The following FAH variants were observed in gnomAD, a reference collection of about 807,000 sequenced individuals.
The protein encoded by FAH is fumarylacetoacetate hydrolase, also known as fumarylacetoacetase.
Under a neutral mutation model 55.8 loss-of-function variants are expected in FAH, and 47 were observed. The ratio of observed to expected loss-of-function variants is 0.84; its 90% CI spans 0.67 to 1.07. The LOEUF (loss-of-function observed/expected upper bound fraction) is 1.07, where lower values mean the gene tolerates loss of function less well. FAH is among the 50% of genes least tolerant of loss of function. The pLI, the probability that FAH is intolerant of heterozygous loss-of-function variation, is 0.00. For missense variants in FAH, 495 were observed against 545.9 expected (o/e 0.91, Z 0.93); for synonymous variants, 199 against 207.7 (o/e 0.96, Z 0.36).
At chr15:80,177,398 A>G in intron 10 of FAH, 139 bp from the exon 11 acceptor site, 1 of 793,912 alleles carries the variant, frequency 1.3e-6, no homozygotes, top group African/African-American at 1.7e-5. Context: ...CTGATGTCCT[A>G]GGAGCTAATT....
chr15:80,154,774 C>T (rs1045753918), intron 1 of FAH, among the ~76,000 whole-genome samples: 4 of 152,186 alleles, frequency 2.6e-5, no homozygotes, highest in African/African-American at 7.2e-5. Context: ...TGCCTGGGCT[C>T]CGAGTTGGCA....
intron 1 of FAH, among the ~76,000 whole-genome samples, chr15:80,154,527 C>T (rs1381514974): frequency 6.6e-6 from 1 of 152,210 alleles, no homozygotes; most frequent in Non-Finnish European, 1.5e-5. Flanking sequence ...GAGAGTTGGC[C>T]CTTTGGCCTT....
At position 80,186,222 on chromosome 15, in the gene FAH, T is replaced by C; in HGVS notation, c.*13T>C. On this transcript the variant is annotated 3_prime_UTR_variant, in exon 14 of 14. Transcript: ENST00000561421. ...CCTGCCATCATGAGATTTTCTCTGC[T>C]CTTCTGGAAACAAAGGGCTCAAGCA... The C allele has an allele frequency of 6.2e-7, 1 of 1,610,938 alleles. No individual in the cohort carries two copies. Among genetic ancestry groups the C allele is most frequent in the Admixed American group, 1.7e-5 (1 of 59,986 alleles).
intron 7 of FAH, among the ~76,000 whole-genome samples, chr15:80,168,610 T>C (rs942308448): frequency 6.6e-6 from 1 of 152,258 alleles, no homozygotes; most frequent in African/African-American, 2.4e-5. Context: ...ACATTTGAGC[T>C]GCCTGGTGAG....
At chr15:80,154,868 G>A (rs771044463) in intron 1 of FAH, among the ~76,000 whole-genome samples, 1 of 152,196 alleles carries the variant, frequency 6.6e-6, no homozygotes, top group Non-Finnish European at 1.5e-5. Context: ...GAAGGTAGGG[G>A]TGGTGGCCTC....
At chr15:80,185,637 A>G (rs1322639265) in intron 13 of FAH, among the ~76,000 whole-genome samples, 1 of 152,250 alleles carries the variant, frequency 6.6e-6, no homozygotes, top group Non-Finnish European at 1.5e-5. Context: ...GGCAAAAGGC[A>G]TGTCTTACAT....
At chr15:80,153,263 A>C in intron 1 of FAH, 128 bp downstream of exon 1, 1 of 790,894 alleles carries the variant, frequency 1.3e-6, no homozygotes, top group South Asian at 1.5e-5. Context: ...TTTTTCTCTT[A>C]AGATTCGTTC....
intron 10 of FAH, among the ~76,000 whole-genome samples, chr15:80,175,911 G>A (rs2041279702): frequency 6.6e-6 from 1 of 152,224 alleles, no homozygotes; most frequent in African/African-American, 2.4e-5. Flanking sequence ...CCCAACGGGG[G>A]CCCTCGGATG....
chr15:80,158,171 G>A lies in FAH; in HGVS notation c.192+1G>A. The A allele has an allele frequency of 6.2e-7, 1 of 1,604,080 alleles. No homozygotes were observed. The highest frequency in any genetic ancestry group is 1.3e-5 in the African/African-American group (1 of 74,846). On this transcript the variant is annotated splice_donor_variant, in intron 2 of 13. Transcript: ENST00000561421. LOFTEE classifies it high-confidence loss of function. Reference sequence around the variant, plus strand: ...CAAACACCAGGATGTCTTCAATCAGGTAGGACATTGTGAAACGACTTGTCC... The same window carrying A: ...CAAACACCAGGATGTCTTCAATCAGATAGGACATTGTGAAACGACTTGTCC...
At chr15:80,186,079 TCC>T (rs769529373) in intron 13 of FAH, 49 bp from the exon 14 acceptor site, 5 of 1,516,240 alleles carry the variant, frequency 3.3e-6, no homozygotes, top group Non-Finnish European at 4.6e-6. Context: ...AGGTGTTGGT[TCC>T]GGTGAGCCCA....
chr15:80,160,555 C>G, intron 4 of FAH, 96 bp downstream of exon 4: 1 of 1,192,420 alleles, frequency 8.4e-7, no homozygotes, highest in South Asian at 1.2e-5. Flanking sequence ...GTGGAGGGTC[C>G]CTGCTGGTGG....
intron 7 of FAH, 84 bp downstream of exon 7, chr15:80,168,400 G>A (rs1196459347): frequency 2.2e-6 from 3 of 1,379,920 alleles, no homozygotes; most frequent in Non-Finnish European, 3.1e-6. Context: ...CGCACCATGA[G>A]CCGCCCACTC....
chr15:80,180,681 C>CTCT (rs1363325066), intron 12 of FAH, among the ~76,000 whole-genome samples: 1 of 152,128 alleles, frequency 6.6e-6, no homozygotes, highest in African/African-American at 2.4e-5. Context: ...TGGCCGAGCC[C>CTCT]TCTTGTTCCT....
At chr15:80,167,374 TCTC>T (rs140264262) in intron 5 of FAH, 10,554 of 152,920 alleles carry the variant, frequency 0.069, 476 homozygotes, top group East Asian at 0.087. Flanking sequence ...CACGTGGCCT[TCTC>T]CTCCTTTCTA....
chr15:80,183,927 T>C (rs2041350214), intron 13 of FAH, among the ~76,000 whole-genome samples: 2 of 152,218 alleles, frequency 1.3e-5, no homozygotes, highest in Non-Finnish European at 2.9e-5. Flanking sequence ...AGCTGTGCTC[T>C]GAACCCTTGT....
Position 80,158,164 on chromosome 15 carries a change from C to G in FAH, c.186C>G (p.Phe62Leu). 6.2e-7 allele frequency: 1 copy of G among 1,609,760 alleles called. No individual in the cohort carries two copies. The highest frequency in any genetic ancestry group is 8.5e-7 in the Non-Finnish European group (1 of 1,175,996). The change falls in exon 2 of 14, where the codon TTC (phenylalanine) becomes TTG (leucine). Residue 62 changes from phenylalanine to leucine, a missense_variant. Coordinates refer to ENST00000561421, the MANE Select transcript of FAH (RefSeq NM_000137.4). ...TCCTCTCCAAACACCAGGATGTCTTCAATCAGGTAGGACATTGTGAAACGA... is the reference window on the plus strand; with the variant it reads ...TCCTCTCCAAACACCAGGATGTCTTGAATCAGGTAGGACATTGTGAAACGA... ...GPVLSKHQDV[F>L]NQPTLNSFMG...
intron 11 of FAH, among the ~76,000 whole-genome samples, chr15:80,179,788 A>T (rs546996374): frequency 6.6e-6 from 1 of 152,260 alleles, no homozygotes; most frequent in African/African-American, 2.4e-5. Context: ...AGTGTTGTAC[A>T]CAAGGGCATG....
intron 13 of FAH, among the ~76,000 whole-genome samples, chr15:80,182,545 C>T (rs2041339965): frequency 6.6e-6 from 1 of 152,190 alleles, no homozygotes; most frequent in African/African-American, 2.4e-5. Flanking sequence ...AATTATACCT[C>T]TCTAATTTGA....
chr15:80,156,173 G>A (rs1217432296), intron 1 of FAH: 1 of 238,712 alleles, frequency 4.2e-6, no homozygotes, highest in Non-Finnish European at 8.3e-6. Flanking sequence ...GCTTGACCAA[G>A]GAGCGCTCAA....
Sources: allele counts gnomAD v4.1 joint callset (sites outside exome capture counted in the v4.1 genomes callset), GRCh38; gene constraint gnomAD v4.1.1; transcripts MANE v1.5; gene names NCBI Gene and HGNC (gene_info 2026-07-23, HGNC 2026-07-21).